The following REV3L variants were observed in gnomAD, a reference collection of about 807,000 sequenced individuals.
The protein encoded by REV3L is DNA polymerase zeta catalytic subunit.
In REV3L, 69 loss-of-function variants were observed where a neutral mutation model predicts 299.4. The observed-to-expected ratio is 0.23, with a 90% CI of 0.19 to 0.28. The LOEUF is 0.28. Ranked by LOEUF, REV3L falls within the 10% of genes least tolerant of loss-of-function variation. The probability of loss-of-function intolerance (pLI) is 1.00; values close to 1 mark genes in which losing one functional copy is unlikely to be tolerated. For synonymous variants in REV3L, 1,238 were observed against 1,271.4 expected (o/e 0.97, Z 0.56); for missense variants, 3,128 against 3,693.8 (o/e 0.85, Z 3.97).
chr6:111,335,367 T>G, intron 22 of REV3L, 102 bp downstream of exon 22: 1 of 1,275,550 alleles, frequency 7.8e-7, no homozygotes, highest in Non-Finnish European at 1.1e-6. Flanking sequence ...ATTGATTAGT[T>G]GGTACCAAAC....
Position 111,307,265 on chromosome 6 carries a change from A to G in REV3L, c.9252+96T>C, listed in dbSNP as rs1772418232. On this transcript the variant is annotated intron_variant, in intron 31 of 31. Coordinates refer to ENST00000368802, the MANE Select transcript of REV3L (RefSeq NM_001372078.1). ...TTAGACTCTTCATTTCACTTTTCAC[A>G]CCAGTTTTGTATCTCACACTATAAT... 2.9e-6 allele frequency: 3 copies of G among 1,045,524 alleles called. No individual in the cohort carries two copies. In the African/African-American group the frequency reaches 4.7e-5, roughly 16 times the overall value. The allele number at this position is 1,045,524 out of a possible 1,614,324, so 64.8% of individuals were successfully genotyped here.
intron 31 of REV3L, among the ~76,000 whole-genome samples, chr6:111,303,637 G>T (rs956696165): frequency 2.3e-5 from 3 of 132,928 alleles, no homozygotes; most frequent in Non-Finnish European, 4.6e-5. Flanking sequence ...AAAGTGCTGG[G>T]ATTATAGGCG....
At chr6:111,392,762 G>T in intron 5 of REV3L, 114 bp downstream of exon 5, 1 of 645,890 alleles carries the variant, frequency 1.5e-6, no homozygotes. Context: ...TAAGTGTATA[G>T]ATTAAAAAGA....
chr6:111,473,502 T>G (rs1278647198), intron 1 of REV3L, among the ~76,000 whole-genome samples: 2 of 151,974 alleles, frequency 1.3e-5, no homozygotes, highest in Non-Finnish European at 2.9e-5. Context: ...CAATTTTTAT[T>G]TATGTTTGCC....
rs576585637 is a variant in REV3L, at chr6:111,427,936, A to G, written c.140-11464T>C. Among the ~76,000 whole-genome samples, 5 of 152,058 alleles carry G rather than the reference A, an allele frequency of 3.3e-5. No homozygotes were observed. In the East Asian group the frequency reaches 9.7e-4, roughly 29 times the overall value. ...TGTTCAGCAGCACCACACTGTTAAG[A>G]GGTTCATTTCACAGGTTCATTGGAC... is the stretch of plus-strand genomic sequence containing the variant. On this transcript the variant is annotated intron_variant, in intron 1 of 31. Coordinates refer to ENST00000368802, the MANE Select transcript of REV3L (RefSeq NM_001372078.1).
intron 25 of REV3L, among the ~76,000 whole-genome samples, chr6:111,328,206 A>C (rs2114812854): frequency 6.6e-6 from 1 of 152,334 alleles, no homozygotes; most frequent in African/African-American, 2.4e-5. Context: ...CTTTATATCT[A>C]CTGGTATACT....
chr6:111,300,504 G>A (rs1352884595), intron 31 of REV3L, among the ~76,000 whole-genome samples: 1 of 152,156 alleles, frequency 6.6e-6, no homozygotes, highest in Non-Finnish European at 1.5e-5. Context: ...AAAGTACTTA[G>A]ACTATATTCT....
At chr6:111,317,997 T>C (rs1483678062) in intron 26 of REV3L, among the ~76,000 whole-genome samples, 1 of 152,228 alleles carries the variant, frequency 6.6e-6, no homozygotes, top group African/African-American at 2.4e-5. Flanking sequence ...GATAGACGTT[T>C]AGATATTTTG....
intron 1 of REV3L, among the ~76,000 whole-genome samples, chr6:111,478,730 C>G (rs1562377485): frequency 6.6e-6 from 1 of 151,092 alleles, no homozygotes; most frequent in Non-Finnish European, 1.5e-5. Flanking sequence ...TCTACATAAA[C>G]TTATATAGCA....
intron 2 of REV3L, among the ~76,000 whole-genome samples, chr6:111,414,826 A>G (rs1784588497): frequency 6.6e-6 from 1 of 152,028 alleles, no homozygotes; most frequent in Non-Finnish European, 1.5e-5. Flanking sequence ...CATTAACTCA[A>G]CCTTCAGAAT....
intron 16 of REV3L, among the ~76,000 whole-genome samples, chr6:111,361,848 C>G (rs1778720599): frequency 6.6e-6 from 1 of 152,090 alleles, no homozygotes; most frequent in African/African-American, 2.4e-5. Flanking sequence ...GTTTCAACCA[C>G]CGGGCGGCAG....
rs568156482 is a variant in REV3L at position 111,429,500 on chromosome 6, T to G, written c.140-13028A>C. On this transcript the variant is annotated intron_variant, in intron 1 of 31. Coordinates refer to ENST00000368802, the MANE Select transcript of REV3L (RefSeq NM_001372078.1). ...AGTACACAAACAAACCAGAATACTCTATTACTGCAATTTGTAGTGTACAAT... is the reference window on the plus strand; with the variant it reads ...AGTACACAAACAAACCAGAATACTCGATTACTGCAATTTGTAGTGTACAAT... Among the ~76,000 whole-genome samples the G allele has an allele frequency of 3.9e-5, 6 of 151,952 alleles. No homozygotes were observed. In the East Asian group the frequency reaches 1.2e-3, roughly 29 times the overall value.
intron 3 of REV3L, among the ~76,000 whole-genome samples, chr6:111,408,546 G>C (rs1005100625): frequency 1.3e-5 from 2 of 152,174 alleles, no homozygotes; most frequent in African/African-American, 4.8e-5. Flanking sequence ...GGAAGTTGCA[G>C]TGAGCCGACA....
Position 111,367,179 on chromosome 6 carries a change from T to G in REV3L, c.6609A>C (p.Pro2203=). The G allele has an allele frequency of 6.2e-7, 1 of 1,613,490 alleles. No homozygotes were observed. The highest frequency in any genetic ancestry group is 8.5e-7 in the Non-Finnish European group (1 of 1,179,790). The change falls in exon 14 of 32, where the codon CCA becomes CCC. Residue 2203 remains proline (P), a synonymous_variant. Coordinates refer to ENST00000368802, the MANE Select transcript of REV3L (RefSeq NM_001372078.1). ...KCESLCFHST[P]IIQRKLLERL... ...TTTCCAGAAGTTTTCTCTGTATGAT[T>G]GGTGTACTATGAAAGCAAAGTGATT...
rs17539183 is a variant in REV3L, at chr6:111,455,509, T to C, written c.139+27241A>G. Among the ~76,000 whole-genome samples the C allele has an allele frequency of 3.6e-3, 548 of 152,280 alleles. 3 individuals carry two copies. Among genetic ancestry groups the C allele is most frequent in the African/African-American group, 0.012 (514 of 41,548 alleles). On this transcript the variant is annotated intron_variant, in intron 1 of 31. Coordinates refer to ENST00000368802, the MANE Select transcript of REV3L (RefSeq NM_001372078.1). ...CTTTATGTTGTCTAGAGTTTTATTT[T>C]AGATTATAGGCCAGGGCTATAATCT...
chr6:111,306,368 A>G (rs1772297374), intron 31 of REV3L, among the ~76,000 whole-genome samples: 1 of 152,184 alleles, frequency 6.6e-6, no homozygotes, highest in African/African-American at 2.4e-5. Flanking sequence ...GGGTCGAGGT[A>G]GAGTGTGACA....
At chr6:111,320,751 G>A (rs73532777) in intron 26 of REV3L, among the ~76,000 whole-genome samples, 1,854 of 152,182 alleles carry the variant, frequency 0.012, 28 homozygotes, top group African/African-American at 0.043. Context: ...GGGTTCAAGC[G>A]ATCTTCCCAC....
chr6:111,314,957 C>T (rs190397880), intron 27 of REV3L, among the ~76,000 whole-genome samples: 2 of 150,910 alleles, frequency 1.3e-5, no homozygotes, highest in Admixed American at 1.3e-4. Flanking sequence ...CTCAAGTGGT[C>T]CTCCTACTTC....
rs780747663 is a variant in REV3L, at chr6:111,387,836, A to G, written c.1025T>C (p.Leu342Pro). 4.3e-6 allele frequency: 7 copies of G among 1,613,780 alleles called. No individual in the cohort carries two copies. Among genetic ancestry groups the G allele is most frequent in the Non-Finnish European group, 5.9e-6 (7 of 1,179,836 alleles). Reference protein sequence around the residue: ...SAELTLHSEVLSPEMLQCTPA... With the variant: ...SAELTLHSEVPSPEMLQCTPA... ...TGTACACTGAAGCATTTCAGGAGAC[A>G]GAACCTCAGAGTGCAATGTTAACTC... The change falls in exon 9 of 32, where the codon CTG (leucine) becomes CCG (proline). Residue 342 changes from leucine (L) to proline (P), a missense_variant. Physicochemically the swap from Leu to Pro is moderately conservative, Grantham distance 98. Coordinates refer to ENST00000368802, the MANE Select transcript of REV3L (RefSeq NM_001372078.1).
Sources: gnomAD v4.1 joint callset for allele counts (sites outside exome capture counted in the v4.1 genomes callset) on GRCh38, gnomAD v4.1.1 for gene constraint, MANE v1.5 for transcripts, NCBI Gene and HGNC (gene_info 2026-07-23, HGNC 2026-07-21) for gene names.